WIPF2: variants seen among roughly 807,000 people sequenced by gnomAD.
WIPF2 encodes WAS/WASL-interacting protein family member 2.
WIPF2 carries 23 observed loss-of-function variants against 38.8 expected under a neutral mutation model. That is an observed-to-expected ratio of 0.59 (90% CI 0.43 to 0.84). The LOEUF (loss-of-function observed/expected upper bound fraction) is 0.84, where lower values mean the gene tolerates loss of function less well. WIPF2 is among the 40% of genes least tolerant of loss of function. The probability of loss-of-function intolerance (pLI) is 0.00; values close to 1 mark genes in which losing one functional copy is unlikely to be tolerated. For synonymous variants in WIPF2, 210 were observed against 223.2 expected (o/e 0.94, Z 0.53); for missense variants, 574 against 580.5 (o/e 0.99, Z 0.11).
Position 40,282,292 on chromosome 17 carries a change from A to G in WIPF2, c.*4067A>G, listed in dbSNP as rs73983029. On this transcript the variant is annotated 3_prime_UTR_variant, in exon 8 of 8. Coordinates refer to ENST00000323571, the MANE Select transcript of WIPF2 (RefSeq NM_133264.5). ...TTTCTTTCTACTCTTGTTTCTGGCA[A>G]TTTAGTGGGTTCCTTCTCTAGTGGT... 7 of 152,000 alleles carry G rather than the reference A, an allele frequency of 4.6e-5. No homozygotes were observed. The highest frequency in any genetic ancestry group is 1.7e-4 in the African/African-American group (7 of 41,450). 9.4% of individuals were successfully genotyped at this position (152,000 alleles called of 1,614,324 possible).
intron 1 of WIPF2, among the ~76,000 whole-genome samples, chr17:40,230,912 G>T (rs187511944): frequency 3.3e-5 from 5 of 152,126 alleles, no homozygotes; most frequent in African/African-American, 1.2e-4. Flanking sequence ...TGTTGGACAC[G>T]CAAGGTAGCC....
intron 4 of WIPF2, 137 bp from the exon 5 acceptor site, chr17:40,264,353 A>T: frequency 1.7e-6 from 1 of 588,392 alleles, no homozygotes; most frequent in Non-Finnish European, 2.8e-6. Context: ...AAAAAAAAAA[A>T]GAAAAACAAA....
chr17:40,273,138 A>T (rs2145409020), intron 5 of WIPF2, among the ~76,000 whole-genome samples: 1 of 152,232 alleles, frequency 6.6e-6, no homozygotes, highest in South Asian at 2.1e-4. Context: ...GGTTCAAGTG[A>T]TTCTTGTGCC....
chr17:40,276,279 G>C (rs1306894670), intron 6 of WIPF2, among the ~76,000 whole-genome samples: 3 of 152,174 alleles, frequency 2.0e-5, no homozygotes, highest in Non-Finnish European at 4.4e-5. Context: ...AGTAATCCCA[G>C]CGCTTTGGGA....
chr17:40,228,205 C>T (rs1386479280), intron 1 of WIPF2, among the ~76,000 whole-genome samples: 4 of 150,470 alleles, frequency 2.7e-5, no homozygotes, highest in Admixed American at 6.6e-5. Flanking sequence ...TTAGTAGAGA[C>T]GGGGTTTCAC....
chr17:40,228,203 G>C (rs1204411951), intron 1 of WIPF2, among the ~76,000 whole-genome samples: 1 of 150,452 alleles, frequency 6.6e-6, no homozygotes, highest in Admixed American at 6.6e-5. Flanking sequence ...TTTTAGTAGA[G>C]ACGGGGTTTC....
intron 3 of WIPF2, among the ~76,000 whole-genome samples, chr17:40,261,177 C>T (rs1274427617): frequency 6.6e-6 from 1 of 152,060 alleles, no homozygotes; most frequent in Non-Finnish European, 1.5e-5. Context: ...ATGATTGCTA[C>T]AAGTGTCCAT....
At chr17:40,228,990 A>C (rs1425199367) in intron 1 of WIPF2, among the ~76,000 whole-genome samples, 1 of 149,052 alleles carries the variant, frequency 6.7e-6, no homozygotes, top group Non-Finnish European at 1.5e-5. Flanking sequence ...TGCGACCTCC[A>C]CCTCCTGGGC....
At chr17:40,278,133 G>C (rs2032462706) in intron 7 of WIPF2, 52 bp from the exon 8 acceptor site, 2 of 1,587,598 alleles carry the variant, frequency 1.3e-6, no homozygotes, top group Admixed American at 1.8e-5. Flanking sequence ...GGGTTGTTCA[G>C]ATTCTGGTGG....
chr17:40,238,798 A>G (rs2031077332), intron 1 of WIPF2, among the ~76,000 whole-genome samples: 1 of 151,756 alleles, frequency 6.6e-6, no homozygotes, highest in African/African-American at 2.4e-5. Context: ...TTTTTAGTAG[A>G]GATGGGGTTT....
chr17:40,250,230 T>G (rs1039285256), intron 1 of WIPF2, among the ~76,000 whole-genome samples: 2 of 113,830 alleles, frequency 1.8e-5, no homozygotes, highest in Non-Finnish European at 3.8e-5. Flanking sequence ...TTTTTTTTTT[T>G]TTTTTTTTTT....
chr17:40,239,609 T>G (rs1200363142), intron 1 of WIPF2, among the ~76,000 whole-genome samples: 3 of 152,014 alleles, frequency 2.0e-5, no homozygotes, highest in Admixed American at 2.0e-4. Flanking sequence ...CGTTGACTCA[T>G]TAGGCTTTTC....
intron 5 of WIPF2, among the ~76,000 whole-genome samples, chr17:40,270,882 TTGTG>T (rs373553389): frequency 4.4e-4 from 66 of 150,474 alleles, no homozygotes; most frequent in Admixed American, 1.2e-3. Context: ...TTGTGCCAGA[TTGTG>T]TGTGTGTGTG....
intron 6 of WIPF2, among the ~76,000 whole-genome samples, chr17:40,275,654 C>T (rs998927894): frequency 6.6e-6 from 1 of 152,106 alleles, no homozygotes; most frequent in African/African-American, 2.4e-5. Flanking sequence ...GTCTCGACCT[C>T]CCAGGCTCAA....
intron 1 of WIPF2, among the ~76,000 whole-genome samples, chr17:40,239,828 C>G (rs1474157195): frequency 2.1e-4 from 32 of 151,256 alleles, no homozygotes; most frequent in Non-Finnish European, 7.4e-5. Context: ...TCCCAAGTAG[C>G]TGGGATTACA....
intron 1 of WIPF2, among the ~76,000 whole-genome samples, chr17:40,223,025 A>T (rs1026121430): frequency 2.0e-5 from 3 of 151,636 alleles, no homozygotes; most frequent in African/African-American, 7.3e-5. Flanking sequence ...TAAAAATTTC[A>T]TATTGTGTTA....
In WIPF2 at chr17:40,273,770, A is replaced by G. The variant is rs2032308777; in HGVS notation, c.971-20A>G. Reference sequence around the variant, plus strand: ...GCCGTCTCCACATCCAAACCTAACTACTTTGGATTTTAATTGCAGCTCCTC... The same window carrying G: ...GCCGTCTCCACATCCAAACCTAACTGCTTTGGATTTTAATTGCAGCTCCTC... On this transcript the variant is annotated intron_variant, in intron 5 of 7. Coordinates refer to ENST00000323571, the MANE Select transcript of WIPF2 (RefSeq NM_133264.5). 2.6e-6 allele frequency: 4 copies of G among 1,566,732 alleles called. No homozygotes were observed. Among genetic ancestry groups the G allele is most frequent in the South Asian group, 1.1e-5 (1 of 90,188 alleles).
At chr17:40,267,858 T>A (rs555534776) in intron 5 of WIPF2, among the ~76,000 whole-genome samples, 1 of 152,284 alleles carries the variant, frequency 6.6e-6, no homozygotes, top group East Asian at 1.9e-4. Flanking sequence ...AGTTATGTCA[T>A]GGAGTCTGGG....
chr17:40,241,315 G>T (rs902357786), intron 1 of WIPF2, among the ~76,000 whole-genome samples: 12 of 152,110 alleles, frequency 7.9e-5, no homozygotes, highest in African/African-American at 2.9e-4. Flanking sequence ...AGGCAAGTTT[G>T]GAAACCCTGC....
Sources: allele counts gnomAD v4.1 joint callset (sites outside exome capture counted in the v4.1 genomes callset), GRCh38; gene constraint gnomAD v4.1.1; transcripts MANE v1.5; gene names NCBI Gene and HGNC (gene_info 2026-07-23, HGNC 2026-07-21).